The following KIF24 variants were observed in gnomAD, a reference collection of about 807,000 sequenced individuals.
KIF24 encodes kinesin-like protein KIF24.
In KIF24, 81 loss-of-function variants were observed where a neutral mutation model predicts 118.9. That is an observed-to-expected ratio of 0.68 (90% CI 0.57 to 0.82). The LOEUF (loss-of-function observed/expected upper bound fraction) is 0.82. Among genes scored for constraint, KIF24 ranks in the 40% least tolerant of loss-of-function variants. KIF24 has a pLI of 0.00. For missense variants in KIF24, 1,560 were observed against 1,661.6 expected, an observed-to-expected ratio of 0.94 and a Z score of 1.06; for synonymous variants, 599 against 610.0, an observed-to-expected ratio of 0.98 and a Z score of 0.27.
intron 6 of KIF24, among the ~76,000 whole-genome samples, chr9:34,273,312 T>G (rs990524411): frequency 6.7e-6 from 1 of 149,402 alleles, no homozygotes; most frequent in Non-Finnish European, 1.5e-5. Context: ...TGGTGTGATA[T>G]ATTTCAATGA....
chr9:34,298,012 G>C (rs4878562), intron 3 of KIF24, among the ~76,000 whole-genome samples: 2 of 151,776 alleles, frequency 1.3e-5, no homozygotes, highest in African/African-American at 4.8e-5. Flanking sequence ...AGTACGTGTC[G>C]ATTTCAAAGG....
intron 5 of KIF24, among the ~76,000 whole-genome samples, chr9:34,288,884 ACACACACACAG>A (rs1291625411): frequency 7.3e-6 from 1 of 137,878 alleles, no homozygotes; most frequent in Non-Finnish European, 1.6e-5. Flanking sequence ...ACACACACAC[ACACACACACAG>A]CACAGTGGCT....
chr9:34,264,550 C>T (rs902185206), intron 8 of KIF24, among the ~76,000 whole-genome samples: 19 of 151,980 alleles, frequency 1.3e-4, no homozygotes, highest in Admixed American at 9.8e-4. Flanking sequence ...CACAGATGCC[C>T]GCAACTGCCC....
rs1446452430 is a variant in KIF24 at position 34,281,445 on chromosome 9, C to T, written c.1215+5172G>A. Among the ~76,000 whole-genome samples the T allele has an allele frequency of 5.3e-5, 8 of 152,254 alleles. No homozygotes were observed. The East Asian group carries it at 1.3e-3, about 26-fold the overall frequency. On this transcript the variant is annotated intron_variant, in intron 6 of 12. Coordinates refer to ENST00000402558, the MANE Select transcript of KIF24 (RefSeq NM_194313.4). Reference sequence around the variant, plus strand: ...GAAATCTTGCTCTGCCAGCTGTTAGCTATGTGATTCTGGGTTATCACTTGA... The same window carrying T: ...GAAATCTTGCTCTGCCAGCTGTTAGTTATGTGATTCTGGGTTATCACTTGA...
In KIF24 at chr9:34,254,272, C is replaced by T. The variant is rs1834727499; in HGVS notation, c.*108G>A. 13 of 1,246,482 alleles carry T rather than the reference C, an allele frequency of 1.0e-5. No individual in the cohort carries two copies. The highest frequency in any genetic ancestry group is 1.2e-5 in the Non-Finnish European group (11 of 932,850). 77.2% of individuals were successfully genotyped at this position (1,246,482 alleles called of 1,614,324 possible). ...GTGACGCTAGCATAGGCAGGACCAG[C>T]GTGTGGGTTCTGGTGTGTGCAGGGA... On this transcript the variant is annotated 3_prime_UTR_variant, in exon 13 of 13. Coordinates refer to ENST00000402558, the MANE Select transcript of KIF24 (RefSeq NM_194313.4).
At chr9:34,264,939 G>A (rs1415207148) in intron 8 of KIF24, among the ~76,000 whole-genome samples, 1 of 152,148 alleles carries the variant, frequency 6.6e-6, no homozygotes, top group Non-Finnish European at 1.5e-5. Context: ...CAGTCATGCA[G>A]TGATCTTGAG....
intron 8 of KIF24, among the ~76,000 whole-genome samples, 156 bp downstream of exon 8, chr9:34,269,101 C>CT (rs1180515359): frequency 6.6e-6 from 1 of 152,192 alleles, no homozygotes; most frequent in African/African-American, 2.4e-5. Context: ...GAGAGTCTGT[C>CT]TGGTCAGCCC....
chr9:34,255,702 G>A (rs1315798792), intron 11 of KIF24, 33 bp downstream of exon 11: 3 of 1,556,876 alleles, frequency 1.9e-6, no homozygotes, highest in African/African-American at 2.7e-5. Flanking sequence ...GGTGCCAAAG[G>A]GGCTCAAGTC....
intron 2 of KIF24, among the ~76,000 whole-genome samples, chr9:34,308,581 G>A (rs1305515684): frequency 1.3e-5 from 2 of 152,158 alleles, no homozygotes; most frequent in African/African-American, 4.8e-5. Flanking sequence ...ACTGTGCCTG[G>A]CCTAATGCAT....
intron 8 of KIF24, 62 bp downstream of exon 8, chr9:34,269,195 C>T: frequency 1.1e-6 from 1 of 908,652 alleles, no homozygotes; most frequent in Non-Finnish European, 1.8e-6. Flanking sequence ...ATCCACTCTG[C>T]CTGTATGTAA....
At position 34,256,342 on chromosome 9, in the gene KIF24, C is replaced by G; in HGVS notation, c.3265G>C (p.Val1089Leu). ...CCAGATGGCACTGTGTGGCTCACAA[C>G]TGGGCCCCCTGTGCTCTCTGCCACT... ...SLVAESTGGPVVSHTVPSGDQ... is the reference protein window; with the variant it reads ...SLVAESTGGPLVSHTVPSGDQ... Residue 1089 changes from valine to leucine, a missense_variant, in exon 11 of 13, where the codon GTT (valine) becomes CTT (leucine). Coordinates refer to ENST00000402558, the MANE Select transcript of KIF24 (RefSeq NM_194313.4). 6.2e-7 allele frequency: 1 copy of G among 1,613,676 alleles called. No homozygotes were observed. Among genetic ancestry groups the G allele is most frequent in the Non-Finnish European group, 8.5e-7 (1 of 1,179,838 alleles).
chr9:34,318,789 A>G lies in KIF24; in HGVS notation c.-25-7418T>C. 1 of 1,544,936 alleles carries G rather than the reference A, an allele frequency of 6.5e-7. No individual in the cohort carries two copies. The highest frequency in any genetic ancestry group is 1.7e-5 in the Admixed American group (1 of 58,862). ...TCCACCGCGCGCAACGTGACCTGGA[A>G]GCTGTGCAGTCGCCTGTAGGGACCC... On this transcript the variant is annotated intron_variant, in intron 1 of 12. Transcript: ENST00000402558. This position sits in a 1 kb window ranked among gnomAD's most constrained non-coding sequence, Gnocchi z 4.9.
chr9:34,307,860 GAAAA>G (rs57149308), intron 2 of KIF24, among the ~76,000 whole-genome samples: 6 of 113,990 alleles, frequency 5.3e-5, no homozygotes, highest in Non-Finnish European at 5.2e-5. Context: ...GACTCTGTCT[GAAAA>G]AAAAAAAAAA....
intron 8 of KIF24, among the ~76,000 whole-genome samples, chr9:34,266,213 T>C (rs1242041018): frequency 3.4e-5 from 1 of 29,280 alleles, no homozygotes; most frequent in African/African-American, 1.1e-4. Flanking sequence ...AACTAATTTA[T>C]TACTATAAAT....
chr9:34,280,409 G>C (rs900723645), intron 6 of KIF24, among the ~76,000 whole-genome samples: 1 of 151,166 alleles, frequency 6.6e-6, no homozygotes, highest in Non-Finnish European at 1.5e-5. Context: ...GTCTTCTTCT[G>C]AGTGTTTGCT....
chr9:34,306,252 C>T lies in KIF24; in HGVS notation c.813G>A (p.Gln271=). Residue 271 remains glutamine (Q), a splice_region_variant and synonymous_variant, in exon 3 of 13, where the codon CAG becomes CAA. Transcript: ENST00000402558. Reference sequence around the variant, plus strand: ...CAAACATAAAACGAAAACATCATACCTGCAGAATATATTGAGTGAGGTCAA... The same window carrying T: ...CAAACATAAAACGAAAACATCATACTTGCAGAATATATTGAGTGAGGTCAA... The part of the protein sequence containing the change: ...EAVDLTQYIL[Q]HVFYFDEVFG... The T allele has an allele frequency of 6.3e-7, 1 of 1,582,614 alleles. No homozygotes were observed. Among genetic ancestry groups the T allele is most frequent in the Admixed American group, 1.8e-5 (1 of 54,912 alleles).
rs761050848 is a variant in KIF24 at position 34,269,328 on chromosome 9, C to T, written c.1372G>A (p.Ala458Thr). 2 of 1,610,782 alleles carry T rather than the reference C, an allele frequency of 1.2e-6. No homozygotes were observed. Among genetic ancestry groups the T allele is most frequent in the Admixed American group, 3.3e-5 (2 of 59,912 alleles). The part of the protein sequence containing the change: ...SFIDLAGSER[A>T]ADARDSDRQT... ...CTATCTGAGTCCCTTGCATCTGCTG[C>T]TCTTTCACTGCCAGCCAAGTCAATA... Residue 458 changes from alanine (A) to threonine (T), a missense_variant, in exon 8 of 13, where the codon GCA becomes ACA. By Grantham distance (58) the Ala-to-Thr change is moderately conservative (BLOSUM62 0). Around this residue, in one of 3 missense-constraint regions of KIF24, gnomAD observed 964 missense variants for 988.0 expected, o/e 0.98. Coordinates refer to ENST00000402558, the MANE Select transcript of KIF24 (RefSeq NM_194313.4).
At chr9:34,320,309 T>G (rs2131830864) in intron 1 of KIF24, among the ~76,000 whole-genome samples, 1 of 150,490 alleles carries the variant, frequency 6.6e-6, no homozygotes, top group African/African-American at 2.4e-5. Context: ...TATACAGTTT[T>G]TCTTTTCAAT....
chr9:34,309,714 ATAT>A (rs147569716), intron 2 of KIF24, among the ~76,000 whole-genome samples: 6 of 152,252 alleles, frequency 3.9e-5, no homozygotes, highest in Non-Finnish European at 7.4e-5. Context: ...GTTTTCAGAA[ATAT>A]TATAATAAAA....
Sources: gnomAD v4.1 joint callset for allele counts (sites outside exome capture counted in the v4.1 genomes callset) on GRCh38, gnomAD v4.1.1 for gene constraint, gnomAD v4.1.1 regional missense constraint, Gnocchi (gnomAD v3.1) non-coding constraint, MANE v1.5 for transcripts, NCBI Gene and HGNC (gene_info 2026-07-23, HGNC 2026-07-21) for gene names.